BLK: variants seen among roughly 807,000 people sequenced by gnomAD.
The protein encoded by BLK is BLK proto-oncogene, Src family tyrosine kinase, also known as tyrosine-protein kinase Blk.
In BLK, 64 loss-of-function variants were observed where a neutral mutation model predicts 61.8. That is an observed-to-expected ratio of 1.03 (90% CI 0.85 to 1.27). The LOEUF is 1.27. Ranked by LOEUF, BLK falls within the 50% of genes most tolerant of loss-of-function variation. BLK has a pLI of 0.00. For missense variants in BLK, 853 were observed against 660.5 expected (o/e 1.29, Z -3.19); for synonymous variants, 351 against 272.0 (o/e 1.29, Z -2.86).
At chr8:11,558,824 C>T (rs779309167) in intron 10 of BLK, 24 of 453,624 alleles carry the variant, frequency 5.3e-5, no homozygotes, top group Non-Finnish European at 1.0e-4. Flanking sequence ...CGTACACATA[C>T]ACACACACAT....
intron 1 of BLK, among the ~76,000 whole-genome samples, chr8:11,502,663 C>T (rs2117248975): frequency 6.6e-6 from 1 of 152,318 alleles, no homozygotes; most frequent in Admixed American, 6.5e-5. Context: ...AATTTAACAA[C>T]CGGCTCTAGC....
intron 12 of BLK, among the ~76,000 whole-genome samples, chr8:11,563,425 C>CT (rs2117609495): frequency 6.6e-6 from 1 of 152,350 alleles, no homozygotes; most frequent in South Asian, 2.1e-4. Flanking sequence ...TTGTGCCTAC[C>CT]TTGGCTTTGC....
At chr8:11,559,618 G>A (rs1801393772) in intron 10 of BLK, among the ~76,000 whole-genome samples, 1 of 152,102 alleles carries the variant, frequency 6.6e-6, no homozygotes, top group African/African-American at 2.4e-5. Flanking sequence ...GCCATGCAAA[G>A]TCTCGCCAGA....
chr8:11,524,918 CA>C (rs34067077), intron 1 of BLK, among the ~76,000 whole-genome samples: 146 of 127,890 alleles, frequency 1.1e-3, no homozygotes, highest in South Asian at 1.7e-3. Context: ...TGCTTTTTTA[CA>C]AAAAAAAAAA....
intron 1 of BLK, among the ~76,000 whole-genome samples, chr8:11,520,056 C>A (rs1190363626): frequency 6.6e-6 from 1 of 152,102 alleles, no homozygotes; most frequent in Admixed American, 6.5e-5. Flanking sequence ...CACACACAAA[C>A]CACAGATAAC....
chr8:11,494,890 T>C (rs1476278126), intron 1 of BLK, among the ~76,000 whole-genome samples: 1 of 151,988 alleles, frequency 6.6e-6, no homozygotes, highest in African/African-American at 2.4e-5. Flanking sequence ...AGAGAGGGGG[T>C]TGAGCGGGCA....
chr8:11,555,977 C>G (rs916835906), intron 8 of BLK: 1 of 294,148 alleles, frequency 3.4e-6, no homozygotes, highest in Non-Finnish European at 6.6e-6. Context: ...CCCCCGCCCA[C>G]CAGGATATAA....
intron 1 of BLK, among the ~76,000 whole-genome samples, chr8:11,494,816 G>T (rs1430709216): frequency 6.6e-6 from 1 of 152,218 alleles, no homozygotes; most frequent in East Asian, 1.9e-4. Context: ...TCCATCCAGG[G>T]TAGATTCTGC....
chr8:11,529,996 G>A (rs910838704), intron 1 of BLK, among the ~76,000 whole-genome samples: 1 of 152,188 alleles, frequency 6.6e-6, no homozygotes, highest in African/African-American at 2.4e-5. Context: ...TAACAGGTGT[G>A]CTGTAGCTGT....
chr8:11,550,909 T>C (rs931580225), intron 6 of BLK, among the ~76,000 whole-genome samples: 5 of 152,182 alleles, frequency 3.3e-5, no homozygotes, highest in African/African-American at 7.2e-5. Context: ...TTCTAAATCA[T>C]ATAGGGTAAT....
chr8:11,554,986 G>A, intron 7 of BLK, 97 bp downstream of exon 7: 3 of 1,519,708 alleles, frequency 2.0e-6, no homozygotes, highest in African/African-American at 2.7e-5. Flanking sequence ...GTGCCACCTT[G>A]GGGGATGGAA....
chr8:11,519,549 T>C (rs1425038551), intron 1 of BLK, among the ~76,000 whole-genome samples: 1 of 152,216 alleles, frequency 6.6e-6, no homozygotes, highest in Non-Finnish European at 1.5e-5. Context: ...TATTAAGTAA[T>C]ATGAAACATA....
At chr8:11,542,388 C>T (rs1449488451) in intron 1 of BLK, among the ~76,000 whole-genome samples, 1 of 152,228 alleles carries the variant, frequency 6.6e-6, no homozygotes, top group Non-Finnish European at 1.5e-5. Flanking sequence ...TGCTTCCTCT[C>T]TATGATGTCT....
intron 1 of BLK, among the ~76,000 whole-genome samples, 157 bp downstream of exon 1, chr8:11,494,748 G>T (rs1167081451): frequency 6.6e-6 from 1 of 152,246 alleles, no homozygotes; most frequent in Non-Finnish European, 1.5e-5. Context: ...GCTATGAATA[G>T]ATTGCTCCAT....
rs934147630 is a variant in BLK, at chr8:11,549,013, G to A, written c.270-11G>A. ...CCATGATCTCATCTCTGTTTCCCCT[G>A]CTCCCATTAGAACTGGAGACTGGTG... is the stretch of plus-strand genomic sequence containing the variant. On this transcript the variant is annotated splice_polypyrimidine_tract_variant and intron_variant, in intron 4 of 12. Transcript: ENST00000259089. 2.5e-6 allele frequency: 4 copies of A among 1,600,898 alleles called. No homozygotes were observed. The highest frequency in any genetic ancestry group is 3.4e-6 in the Non-Finnish European group (4 of 1,173,102).
chr8:11,550,034 C>T (rs781314562), intron 5 of BLK, 125 bp from the exon 6 acceptor site: 7 of 860,282 alleles, frequency 8.1e-6, no homozygotes, highest in Non-Finnish European at 1.3e-5. Context: ...CAGCTCAGGG[C>T]CGACTGGGAC....
intron 1 of BLK, among the ~76,000 whole-genome samples, chr8:11,500,113 T>C (rs960394991): frequency 7.9e-5 from 12 of 152,210 alleles, no homozygotes; most frequent in African/African-American, 2.9e-4. Context: ...CAGTCAAATG[T>C]CCAGCTGTGA....
At chr8:11,558,701 G>C (rs1056107233) in intron 10 of BLK, 23 of 456,132 alleles carry the variant, frequency 5.0e-5, no homozygotes, top group African/African-American at 4.4e-4. Flanking sequence ...GTGGAGAGGA[G>C]GGTTTTAGCC....
Position 11,549,306 on chromosome 8 carries a change from T to C in BLK, c.368+184T>C, listed in dbSNP as rs4841553. ...TGCTGGCTCCAGACGACATTCAGAC[T>C]GCTGTGTGACACTGAGCAAGCCGCT... On this transcript the variant is annotated intron_variant, in intron 5 of 12. Transcript: ENST00000259089. Among the ~76,000 whole-genome samples, 75,154 of 152,014 alleles carry C rather than the reference T, an allele frequency of 0.49. 19,497 individuals carry two copies. Among genetic ancestry groups the C allele is most frequent in the East Asian group, 0.95 (4,895 of 5,166 alleles).
Sources: gnomAD v4.1 joint callset for allele counts (sites outside exome capture counted in the v4.1 genomes callset) on GRCh38, gnomAD v4.1.1 for gene constraint, MANE v1.5 for transcripts, NCBI Gene and HGNC (gene_info 2026-07-23, HGNC 2026-07-21) for gene names.